The following CHID1 variants were observed in gnomAD, a reference collection of about 807,000 sequenced individuals.
CHID1 encodes the protein chitinase domain containing 1.
CHID1 carries 44 observed loss-of-function variants against 55.4 expected under a neutral mutation model. The ratio of observed to expected loss-of-function variants is 0.79; its 90% CI spans 0.62 to 1.02. CHID1 has a LOEUF of 1.02. Among genes scored for constraint, CHID1 ranks in the 50% least tolerant of loss-of-function variants. The pLI is 0.00. For synonymous variants in CHID1, 216 were observed against 212.9 expected, an observed-to-expected ratio of 1.01 and a Z score of -0.13; for missense variants, 491 against 515.3, an observed-to-expected ratio of 0.95 and a Z score of 0.46.
chr11:878,165 G>A (rs1436482206), intron 10 of CHID1, among the ~76,000 whole-genome samples: 3 of 152,230 alleles, frequency 2.0e-5, no homozygotes, highest in Admixed American at 6.5e-5. Context: ...TGTAATCCCA[G>A]CACTTTGGGA....
intron 6 of CHID1, 129 bp downstream of exon 6, chr11:899,875 G>C: frequency 1.5e-6 from 1 of 650,740 alleles, no homozygotes; most frequent in South Asian, 1.8e-5. Flanking sequence ...GAAGATGGGG[G>C]CTGCACCAGA....
intron 10 of CHID1, among the ~76,000 whole-genome samples, chr11:877,465 C>T (rs1054990758): frequency 6.6e-6 from 1 of 152,162 alleles, no homozygotes; most frequent in Non-Finnish European, 1.5e-5. Context: ...TAGAAGATCT[C>T]GAACCCCTGG....
At chr11:896,066 G>C (rs1260929482) in intron 7 of CHID1, among the ~76,000 whole-genome samples, 2 of 151,830 alleles carry the variant, frequency 1.3e-5, no homozygotes, top group Non-Finnish European at 2.9e-5. Context: ...GACACAACGA[G>C]GCCGTCTCAG....
chr11:913,544 G>A (rs1852804156), upstream of CHID1, among the ~76,000 whole-genome samples: 1 of 149,852 alleles, frequency 6.7e-6, no homozygotes, highest in South Asian at 2.1e-4. Context: ...AGGCCGAGGT[G>A]GACGGATTGC....
chr11:872,265 C>T (rs1313075082), intron 10 of CHID1, among the ~76,000 whole-genome samples: 1 of 152,200 alleles, frequency 6.6e-6, no homozygotes, highest in Non-Finnish European at 1.5e-5. Context: ...TCAAGCAATT[C>T]TCCCACCTCT....
chr11:899,235 G>T (rs943873528), intron 7 of CHID1, 105 bp downstream of exon 7: 1 of 1,098,242 alleles, frequency 9.1e-7, no homozygotes, highest in East Asian at 2.6e-5. Context: ...CAGGCACAGG[G>T]ACTGTGGAAG....
intron 7 of CHID1, among the ~76,000 whole-genome samples, chr11:896,485 C>T (rs544315841): frequency 3.0e-4 from 43 of 142,030 alleles, no homozygotes; most frequent in Non-Finnish European, 5.0e-4. Flanking sequence ...CCCCAGCCTC[C>T]ACCCCAGACA....
At chr11:896,108 C>G (rs903036428) in intron 7 of CHID1, among the ~76,000 whole-genome samples, 1,745 of 141,180 alleles carry the variant, frequency 0.012, 62 homozygotes, top group African/African-American at 0.046. Flanking sequence ...ACACAACGAG[C>G]CTGTCTCAGT....
intron 1 of CHID1, among the ~76,000 whole-genome samples, chr11:906,241 C>CTTT (rs932290374): frequency 3.0e-5 from 4 of 134,898 alleles, no homozygotes; most frequent in South Asian, 2.4e-4. Context: ...GGCTGTGGGA[C>CTTT]TTTTTTTTTT....
intron 10 of CHID1, among the ~76,000 whole-genome samples, chr11:878,732 C>T (rs1052081668): frequency 2.6e-5 from 4 of 151,854 alleles, no homozygotes; most frequent in South Asian, 2.1e-4. Flanking sequence ...GACAGAGTCT[C>T]GCACTGTTGC....
At chr11:914,973 A>G (rs1295620653), upstream of CHID1, 1 of 194,324 alleles carries the variant, frequency 5.1e-6, no homozygotes, top group African/African-American at 2.4e-5. Context: ...CTGGGCCACT[A>G]TTGCTGACCA....
At chr11:908,740 G>A (rs2134380053) in intron 1 of CHID1, 2 of 320,878 alleles carry the variant, frequency 6.2e-6, no homozygotes, top group South Asian at 2.5e-4. Context: ...CAGGTACCCA[G>A]TGACCAACCA....
At chr11:909,579 G>A (rs1027346124) in intron 1 of CHID1, among the ~76,000 whole-genome samples, 1 of 152,238 alleles carries the variant, frequency 6.6e-6, no homozygotes, top group African/African-American at 2.4e-5. Context: ...TTACGTCACA[G>A]CCCAGCACAC....
chr11:900,992 G>C lies in CHID1; in HGVS notation c.395-12C>G. 1 of 1,596,086 alleles carries C rather than the reference G, an allele frequency of 6.3e-7. No homozygotes were observed. Among genetic ancestry groups the C allele is most frequent in the South Asian group, 1.1e-5 (1 of 88,326 alleles). ...AGCTCGCATCCACCCTGTGGGACAT[G>C]GAGGGGACAGTCAACACAGGCACGT... is the stretch of plus-strand genomic sequence containing the variant. On this transcript the variant is annotated splice_polypyrimidine_tract_variant and intron_variant, in intron 4 of 12. Transcript: ENST00000323578.
upstream of CHID1, among the ~76,000 whole-genome samples, chr11:914,058 A>G (rs1852829472): frequency 6.7e-6 from 1 of 149,382 alleles, no homozygotes; most frequent in South Asian, 2.1e-4. Context: ...ACAGAGCAAG[A>G]CTCCATCTCA....
intron 1 of CHID1, among the ~76,000 whole-genome samples, chr11:906,316 G>A (rs1191132915): frequency 6.0e-5 from 9 of 150,202 alleles, no homozygotes; most frequent in African/African-American, 2.2e-4. Context: ...TTGGCTCACT[G>A]CAACCTCCAC....
intron 8 of CHID1, among the ~76,000 whole-genome samples, chr11:893,199 T>C (rs1850968856): frequency 6.6e-6 from 1 of 152,172 alleles, no homozygotes; most frequent in Admixed American, 6.5e-5. Context: ...CCTGCTTCTG[T>C]CCACTTGGCC....
intron 2 of CHID1, 55 bp downstream of exon 2, chr11:904,651 T>C (rs781052819): frequency 3.1e-6 from 5 of 1,600,512 alleles, no homozygotes; most frequent in East Asian, 2.2e-5. Flanking sequence ...AAGAAGAGGA[T>C]GATGGATCAG....
intron 8 of CHID1, among the ~76,000 whole-genome samples, chr11:889,321 G>A (rs1192085147): frequency 6.6e-6 from 1 of 151,948 alleles, no homozygotes; most frequent in Non-Finnish European, 1.5e-5. Flanking sequence ...CTGGGCCCAC[G>A]TGGCAGATGC....
Sources: gnomAD v4.1 joint callset for allele counts (sites outside exome capture counted in the v4.1 genomes callset) on GRCh38, gnomAD v4.1.1 for gene constraint, MANE v1.5 for transcripts, NCBI Gene and HGNC (gene_info 2026-07-23, HGNC 2026-07-21) for gene names.